The following RALYL variants were observed in gnomAD, a reference collection of about 807,000 sequenced individuals.
RALYL encodes RALY RNA binding protein like.
In RALYL, 29 loss-of-function variants were observed where a neutral mutation model predicts 35.1. That is an observed-to-expected ratio of 0.83 (90% CI 0.61 to 1.13). RALYL has a LOEUF of 1.13. Among genes scored for constraint, RALYL ranks in the 50% most tolerant of loss-of-function variants. The pLI is 0.00. For synonymous variants in RALYL, 120 were observed against 127.6 expected (o/e 0.94, Z 0.40); for missense variants, 359 against 360.4 (o/e 1.00, Z 0.03).
intron 1 of RALYL, among the ~76,000 whole-genome samples, chr8:84,499,630 A>G (rs2056451407): frequency 6.6e-6 from 1 of 151,966 alleles, no homozygotes; most frequent in Non-Finnish European, 1.5e-5. Flanking sequence ...GTGTTTCCTC[A>G]TGTTTCTAGC....
chr8:84,917,961 A>G (rs1242545556), intron 8 of RALYL, among the ~76,000 whole-genome samples: 1 of 152,052 alleles, frequency 6.6e-6, no homozygotes, highest in Non-Finnish European at 1.5e-5. Context: ...CACATTGTCT[A>G]TAAAAAGTGT....
intron 2 of RALYL, among the ~76,000 whole-genome samples, chr8:84,676,869 C>T (rs1192395648): frequency 6.6e-6 from 1 of 152,066 alleles, no homozygotes; most frequent in East Asian, 1.9e-4. Context: ...GTGGCCTGAT[C>T]TCAGCTCACT....
At chr8:84,511,274 GTTAAAC>G (rs2057592568) in intron 1 of RALYL, among the ~76,000 whole-genome samples, 1 of 152,170 alleles carries the variant, frequency 6.6e-6, no homozygotes, top group African/African-American at 2.4e-5. Flanking sequence ...AATTGCTGGA[GTTAAAC>G]TTAGGCATTT....
chr8:84,836,421 A>G (rs1485162703), intron 4 of RALYL, among the ~76,000 whole-genome samples: 1 of 152,152 alleles, frequency 6.6e-6, no homozygotes, highest in Non-Finnish European at 1.5e-5. Context: ...AAGATATCAT[A>G]ATTATTTAGG....
intron 1 of RALYL, among the ~76,000 whole-genome samples, chr8:84,426,339 A>G (rs2132553290): frequency 6.6e-6 from 1 of 152,034 alleles, no homozygotes; most frequent in African/African-American, 2.4e-5. Flanking sequence ...ACACTCTTGC[A>G]TCCTACATAT....
At chr8:84,894,863 G>A (rs1455229427) in intron 8 of RALYL, among the ~76,000 whole-genome samples, 1 of 152,158 alleles carries the variant, frequency 6.6e-6, no homozygotes, top group Non-Finnish European at 1.5e-5. Flanking sequence ...CTGGAGGTTG[G>A]ATGGCTTAAC....
intron 2 of RALYL, among the ~76,000 whole-genome samples, chr8:84,665,545 G>A (rs1359668060): frequency 6.6e-6 from 1 of 152,090 alleles, no homozygotes; most frequent in Non-Finnish European, 1.5e-5. Flanking sequence ...GAGGGTGTAT[G>A]TGTCCAGGAA....
intron 2 of RALYL, among the ~76,000 whole-genome samples, chr8:84,747,303 T>C (rs920892655): frequency 6.6e-6 from 1 of 151,840 alleles, no homozygotes; most frequent in Non-Finnish European, 1.5e-5. Context: ...AGAAAATGAA[T>C]AAAAATATTT....
chr8:84,319,954 T>C (rs1844487127), intron 1 of RALYL, among the ~76,000 whole-genome samples: 1 of 152,078 alleles, frequency 6.6e-6, no homozygotes, highest in Non-Finnish European at 1.5e-5. Flanking sequence ...TATTTATGTA[T>C]AAAACTCTTG....
intron 1 of RALYL, among the ~76,000 whole-genome samples, chr8:84,199,843 C>A (rs1371878017): frequency 6.6e-6 from 1 of 152,114 alleles, no homozygotes; most frequent in African/African-American, 2.4e-5. Flanking sequence ...CTATGCTGTT[C>A]CAAATGTTGA....
intron 4 of RALYL, among the ~76,000 whole-genome samples, chr8:84,830,848 C>T (rs1314949817): frequency 2.0e-5 from 3 of 151,870 alleles, no homozygotes; most frequent in Admixed American, 6.6e-5. Context: ...AGGAAAGTAC[C>T]TCTAAGAAAC....
At chr8:84,246,067 G>A (rs1158948133) in intron 1 of RALYL, among the ~76,000 whole-genome samples, 1 of 152,140 alleles carries the variant, frequency 6.6e-6, no homozygotes, top group African/African-American at 2.4e-5. Flanking sequence ...GTGGTCCTGG[G>A]AGAGAGATGT....
intron 1 of RALYL, among the ~76,000 whole-genome samples, chr8:84,249,888 T>C (rs1373511949): frequency 4.0e-5 from 6 of 148,934 alleles, no homozygotes; most frequent in African/African-American, 1.2e-4. Context: ...TTTTTTTTCC[T>C]ATATGCACAT....
intron 1 of RALYL, among the ~76,000 whole-genome samples, chr8:84,481,634 T>A (rs1039804558): frequency 1.3e-5 from 2 of 152,162 alleles, no homozygotes; most frequent in Non-Finnish European, 2.9e-5. Context: ...TACAACAGCA[T>A]ACTCGGCAAT....
intron 1 of RALYL, among the ~76,000 whole-genome samples, chr8:84,363,334 G>A (rs1853489302): frequency 6.6e-6 from 1 of 152,198 alleles, no homozygotes; most frequent in Non-Finnish European, 1.5e-5. Context: ...CTCAGAAACA[G>A]AAGGGAGATG....
intron 1 of RALYL, among the ~76,000 whole-genome samples, chr8:84,283,266 C>T (rs1200705239): frequency 6.6e-6 from 1 of 152,094 alleles, no homozygotes; most frequent in Non-Finnish European, 1.5e-5. Context: ...CTGGGCATTG[C>T]TGACCTGTTG....
At chr8:84,186,852 A>T (rs1812654162) in intron 1 of RALYL, among the ~76,000 whole-genome samples, 1 of 152,252 alleles carries the variant, frequency 6.6e-6, no homozygotes, top group African/African-American at 2.4e-5. Context: ...CATTCTGGGA[A>T]TTCTACAACT....
At chr8:84,723,635 G>A (rs1434226438) in intron 2 of RALYL, among the ~76,000 whole-genome samples, 2 of 151,874 alleles carry the variant, frequency 1.3e-5, no homozygotes, top group African/African-American at 4.8e-5. Flanking sequence ...TCTTCTATGA[G>A]TAACTAGGAA....
Position 84,454,050 on chromosome 8 carries a change from T to A in RALYL, c.-23-75249T>A, listed in dbSNP as rs146667788. Among the ~76,000 whole-genome samples the A allele has an allele frequency of 4.6e-5, 7 of 152,146 alleles. No homozygotes were observed. The East Asian group carries it at 1.4e-3, about 30-fold the overall frequency. ...AATGGACTTCATGTACTTCCAGAAT[T>A]CCAATGTCAGAAGTAATGCATCTTT... On this transcript the variant is annotated intron_variant, in intron 1 of 8. Transcript: ENST00000521268.
Sources: gnomAD v4.1 joint callset for allele counts (sites outside exome capture counted in the v4.1 genomes callset) on GRCh38, gnomAD v4.1.1 for gene constraint, MANE v1.5 for transcripts, NCBI Gene and HGNC (gene_info 2026-07-23, HGNC 2026-07-21) for gene names.